Variants in INTU observed in about 807,000 individuals in gnomAD.
INTU encodes protein inturned.
Under a neutral mutation model 100.5 loss-of-function variants are expected in INTU, and 68 were observed. The observed-to-expected ratio is 0.68, with a 90% confidence interval of 0.56 to 0.83. The LOEUF is 0.83. Among genes scored for constraint, INTU ranks in the 40% least tolerant of loss-of-function variants. The pLI is 0.00. For synonymous variants in INTU, 357 were observed against 395.7 expected, an observed-to-expected ratio of 0.90 and a Z score of 1.16; for missense variants, 1,071 against 1,114.7, an observed-to-expected ratio of 0.96 and a Z score of 0.56.
intron 8 of INTU, among the ~76,000 whole-genome samples, chr4:127,694,855 T>C (rs1403231360): frequency 6.6e-6 from 1 of 152,222 alleles, no homozygotes; most frequent in Admixed American, 6.5e-5. Flanking sequence ...CTCTGTTCCA[T>C]TGACATATTT....
chr4:127,725,132 TAAAAAAAAAAAAAA>T lies in INTU; in HGVS notation c.*8708_*8721del, dbSNP rs763050553. 1 of 79,336 alleles carries T rather than the reference TAAAAAAAAAAAAAA, an allele frequency of 1.3e-5. No homozygotes were observed. The highest frequency in any genetic ancestry group is 2.7e-5 in the Non-Finnish European group (1 of 37,016). The allele number at this position is 79,336 out of a possible 1,614,324, so 4.9% of individuals were successfully genotyped here. ...GAAACCCTGTCTCTACTAAAAATAC[TAAAAAAAAAAAAAA>T]AAAAAAAAAAATTAGCCGGGCATGG... On this transcript the variant is annotated 3_prime_UTR_variant, in exon 16 of 16. Coordinates refer to ENST00000335251, the MANE Select transcript of INTU (RefSeq NM_015693.4).
Position 127,675,034 on chromosome 4 carries a change from A to G in INTU, c.1181+821A>G, listed in dbSNP as rs145136021. Among the ~76,000 whole-genome samples, 307 of 152,336 alleles carry G rather than the reference A, an allele frequency of 2.0e-3. 3 individuals carry two copies. The highest frequency in any genetic ancestry group is 6.2e-3 in the African/African-American group (258 of 41,582). On this transcript the variant is annotated intron_variant, in intron 6 of 15. Transcript: ENST00000335251. ...TTGAAAACTAAGGGAGAAATAGACT[A>G]CAAGTTTAGAGAATGGCCCTAAAGA...
At chr4:127,654,009 T>C (rs1728048483) in intron 2 of INTU, among the ~76,000 whole-genome samples, 1 of 151,178 alleles carries the variant, frequency 6.6e-6, no homozygotes, top group Non-Finnish European at 1.5e-5. Flanking sequence ...TCTTTGTTGG[T>C]TTAAAGTCTG....
chr4:127,675,931 C>T (rs777824302), intron 6 of INTU: 4 of 322,584 alleles, frequency 1.2e-5, no homozygotes, highest in South Asian at 1.0e-4. Context: ...TCAGCCCACA[C>T]TCATGGGGAG....
chr4:127,662,531 A>G (rs756342188), intron 3 of INTU, among the ~76,000 whole-genome samples: 21 of 152,140 alleles, frequency 1.4e-4, no homozygotes, highest in African/African-American at 5.1e-4. Context: ...TCTTTGACCA[A>G]TTGGTATCTA....
chr4:127,659,512 G>C (rs1160271230), intron 3 of INTU, among the ~76,000 whole-genome samples: 2 of 152,170 alleles, frequency 1.3e-5, no homozygotes, highest in African/African-American at 4.8e-5. Context: ...TTAAAGAAGA[G>C]GTTTTCGAAA....
At chr4:127,697,695 TTATC>T (rs1202770766) in intron 8 of INTU, among the ~76,000 whole-genome samples, 27 of 152,362 alleles carry the variant, frequency 1.8e-4, no homozygotes, top group African/African-American at 6.5e-4. Flanking sequence ...CACATTTTCT[TTATC>T]CATTCATCTG....
intron 8 of INTU, among the ~76,000 whole-genome samples, chr4:127,694,109 C>T (rs1231506136): frequency 6.6e-6 from 1 of 152,052 alleles, no homozygotes; most frequent in Admixed American, 6.6e-5. Context: ...AAGGATCCCT[C>T]TTTTTCTGTC....
At chr4:127,660,872 T>C (rs970418830) in intron 3 of INTU, among the ~76,000 whole-genome samples, 1 of 152,152 alleles carries the variant, frequency 6.6e-6, no homozygotes, top group East Asian at 1.9e-4. Flanking sequence ...AATAAAAGTT[T>C]TTCCCTATAA....
intron 7 of INTU, chr4:127,685,649 A>G: frequency 3.5e-6 from 1 of 286,650 alleles, no homozygotes; most frequent in South Asian, 3.2e-5. Flanking sequence ...AATGAAGAGT[A>G]AGAATGTGGT....
Position 127,711,070 on chromosome 4 carries a change from C to A in INTU, c.2527C>A (p.Arg843Ser). ...TTTCCATCAGTGTTGTCTTTCCATTCGTGCAGTTTTCCAACAGACATTGGT... is the reference window on the plus strand; with the variant it reads ...TTTCCATCAGTGTTGTCTTTCCATTAGTGCAGTTTTCCAACAGACATTGGT... Reference protein sequence around the residue: ...KNFHQCCLSIRAVFQQTLVEE... With the variant: ...KNFHQCCLSISAVFQQTLVEE... The change falls in exon 14 of 16, where the codon CGT becomes AGT. Residue 843 changes from arginine (R) to serine (S), a missense_variant. Physicochemically the swap from Arg to Ser is moderately radical, Grantham distance 110 (BLOSUM62 -1). Transcript: ENST00000335251. The A allele has an allele frequency of 1.3e-6, 2 of 1,599,914 alleles. No individual in the cohort carries two copies. Among genetic ancestry groups the A allele is most frequent in the African/African-American group, 2.7e-5 (2 of 74,898 alleles).
At chr4:127,705,860 AT>A (rs766925684) in intron 11 of INTU, 48 bp downstream of exon 11, 2 of 1,509,974 alleles carry the variant, frequency 1.3e-6, no homozygotes, top group South Asian at 2.3e-5. Flanking sequence ...CTTTTCTTTT[AT>A]TTTTTTCTTT....
chr4:127,687,884 T>C lies in INTU; in HGVS notation c.1449+17T>C, dbSNP rs1340358807. 2.0e-6 allele frequency: 3 copies of C among 1,529,774 alleles called. No homozygotes were observed. The highest frequency in any genetic ancestry group is 1.8e-5 in the Admixed American group (1 of 55,388). The allele number at this position is 1,529,774 out of a possible 1,614,324, so 94.8% of individuals were successfully genotyped here. A position where few individuals can be genotyped will look rare whatever the true frequency, so the allele number is the denominator to read the frequency against. ...GAAATCAAGGTAATCTTAGGTATTA[T>C]AAAGCAGAAGCAGAACCAGGTGCCT... On this transcript the variant is annotated intron_variant, in intron 8 of 15. Coordinates refer to ENST00000335251, the MANE Select transcript of INTU (RefSeq NM_015693.4).
intron 1 of INTU, among the ~76,000 whole-genome samples, chr4:127,634,479 C>T (rs951109963): frequency 6.6e-6 from 1 of 152,158 alleles, no homozygotes; most frequent in African/African-American, 2.4e-5. Context: ...AATGGGCCAC[C>T]ATGACTTTGA....
At chr4:127,685,152 A>T (rs1729758249) in intron 7 of INTU, among the ~76,000 whole-genome samples, 1 of 152,024 alleles carries the variant, frequency 6.6e-6, no homozygotes, top group South Asian at 2.1e-4. Flanking sequence ...CCTTTTTAAT[A>T]AAAGTATGCT....
chr4:127,689,112 A>G (rs1293955696), intron 8 of INTU, among the ~76,000 whole-genome samples: 2 of 150,450 alleles, frequency 1.3e-5, no homozygotes, highest in South Asian at 2.1e-4. Context: ...CCTCTCAGGT[A>G]GCTGGGACTA....
chr4:127,643,402 G>T lies in INTU; in HGVS notation c.147-119G>T, dbSNP rs535189141. 523 of 658,584 alleles carry T rather than the reference G, an allele frequency of 7.9e-4. 1 individual carries two copies. The highest frequency in any genetic ancestry group is 1.1e-3 in the Non-Finnish European group (439 of 391,622). 40.8% of individuals were successfully genotyped at this position (658,584 alleles called of 1,614,324 possible). ...AAGGATAATTTGAAATAATAAAGAA[G>T]TTTCACCCTTTCCCATCTTCCTGCT... is the stretch of plus-strand genomic sequence containing the variant. On this transcript the variant is annotated intron_variant, in intron 1 of 15. Transcript: ENST00000335251.
chr4:127,664,739 A>T (rs991270734), intron 4 of INTU, among the ~76,000 whole-genome samples: 4 of 151,724 alleles, frequency 2.6e-5, no homozygotes, highest in Non-Finnish European at 4.4e-5. Context: ...TCTTTTTCTC[A>T]GTCCGTGTCT....
intron 8 of INTU, among the ~76,000 whole-genome samples, chr4:127,688,601 A>G (rs915086492): frequency 5.9e-5 from 9 of 152,292 alleles, no homozygotes; most frequent in African/African-American, 2.2e-4. Context: ...TCTTCATAAG[A>G]CTCTACAATG....
Sources: allele counts gnomAD v4.1 joint callset (sites outside exome capture counted in the v4.1 genomes callset), GRCh38; gene constraint gnomAD v4.1.1; transcripts MANE v1.5; gene names NCBI Gene and HGNC (gene_info 2026-07-23, HGNC 2026-07-21).